The following SLC22A24 variants were observed in gnomAD, a reference collection of about 807,000 sequenced individuals.
SLC22A24 encodes solute carrier family 22 member 24.
SLC22A24 carries 53 observed loss-of-function variants against 49.8 expected under a neutral mutation model. The ratio of observed to expected loss-of-function variants is 1.06; its 90% CI spans 0.85 to 1.34. SLC22A24 has a LOEUF of 1.34. Among genes scored for constraint, SLC22A24 ranks in the 40% most tolerant of loss-of-function variants. The pLI, the probability that SLC22A24 is intolerant of heterozygous loss-of-function variation, is 0.00. For missense variants in SLC22A24, 786 were observed against 675.9 expected (o/e 1.16, Z -1.81); for synonymous variants, 302 against 256.4 (o/e 1.18, Z -1.70).
chr11:63,131,747 A>G (rs917401762), intron 2 of SLC22A24, among the ~76,000 whole-genome samples: 1 of 151,972 alleles, frequency 6.6e-6, no homozygotes, highest in Admixed American at 6.6e-5. Flanking sequence ...GAATCTGACA[A>G]TTACATGTCT....
intron 2 of SLC22A24, among the ~76,000 whole-genome samples, chr11:63,131,846 C>T (rs529774930): frequency 1.3e-3 from 192 of 152,290 alleles, no homozygotes; most frequent in African/African-American, 4.4e-3. Flanking sequence ...GTTAGGGAAG[C>T]TCTCCTGGAT....
At chr11:63,141,883 A>T (rs1009365367) in intron 1 of SLC22A24, among the ~76,000 whole-genome samples, 13 of 152,208 alleles carry the variant, frequency 8.5e-5, no homozygotes, top group African/African-American at 3.1e-4. Context: ...TTTAATAAAA[A>T]TAGGGACTGG....
rs2087053283 is a variant in SLC22A24 at position 63,096,113 on chromosome 11, CA to C, written c.955-8del. The C allele has an allele frequency of 6.6e-7, 1 of 1,526,118 alleles. No individual in the cohort carries two copies. The highest frequency in any genetic ancestry group is 1.2e-5 in the South Asian group (1 of 83,484). The allele number at this position is 1,526,118 out of a possible 1,614,324, so 94.5% of individuals were successfully genotyped here. ...TCATGGTGGATCTCACAAGCTTCAG[CA>C]ACAAAAATAACAACAAGCATTTGTG... On this transcript the variant is annotated splice_region_variant and splice_polypyrimidine_tract_variant and intron_variant, in intron 5 of 9. Coordinates refer to ENST00000612278, the MANE Select transcript of SLC22A24 (RefSeq NM_001136506.2).
chr11:63,093,826 T>C (rs1263461010), intron 6 of SLC22A24, among the ~76,000 whole-genome samples: 1 of 152,072 alleles, frequency 6.6e-6, no homozygotes, highest in African/African-American at 2.4e-5. Context: ...AACCTGCACA[T>C]GTGCCCTTGA....
rs1307221635 is a variant in SLC22A24, at chr11:63,104,195, C to T, written c.934G>A (p.Glu312Lys). 3 of 1,550,166 alleles carry T rather than the reference C, an allele frequency of 1.9e-6. No individual in the cohort carries two copies. The highest frequency in any genetic ancestry group is 2.4e-5 in the East Asian group (1 of 40,902). The change falls in exon 5 of 10, where the codon GAA becomes AAA. Residue 312 changes from glutamate (E) to lysine (K), a missense_variant. Coordinates refer to ENST00000612278, the MANE Select transcript of SLC22A24 (RefSeq NM_001136506.2). ...VAHINGKKNT[E>K]ETLTTELVRS... ...ATCACCTCAGTGGTCAGTGTCTCTT[C>T]AGTATTCTTTTTTCCATTTATGTGT... is the stretch of plus-strand genomic sequence containing the variant.
chr11:63,101,192 C>A (rs111327720), intron 5 of SLC22A24, among the ~76,000 whole-genome samples: 5,924 of 152,080 alleles, frequency 0.039, 167 homozygotes, highest in Non-Finnish European at 0.063. Flanking sequence ...GGAGCTCAAC[C>A]CTCATACACA....
chr11:63,124,295 G>C (rs1248507749), intron 2 of SLC22A24, among the ~76,000 whole-genome samples: 6 of 152,248 alleles, frequency 3.9e-5, no homozygotes, highest in African/African-American at 1.4e-4. Flanking sequence ...GTGTCATCTA[G>C]CTCCTGGGGG....
intron 6 of SLC22A24, among the ~76,000 whole-genome samples, chr11:63,088,358 CAA>C (rs1476119843): frequency 1.6e-5 from 1 of 63,958 alleles, no homozygotes; most frequent in Non-Finnish European, 3.7e-5. Flanking sequence ...GGAAAAGTAA[CAA>C]ACAGAAAGCT....
chr11:63,084,542 A>G (rs2135192035), intron 6 of SLC22A24, among the ~76,000 whole-genome samples: 1 of 152,248 alleles, frequency 6.6e-6, no homozygotes, highest in Admixed American at 6.5e-5. Flanking sequence ...CTTGCATCAC[A>G]AGAAATGGAG....
intron 2 of SLC22A24, among the ~76,000 whole-genome samples, chr11:63,121,370 T>C (rs1325563835): frequency 6.6e-6 from 1 of 152,016 alleles, no homozygotes; most frequent in East Asian, 1.9e-4. Flanking sequence ...GAAATAGATG[T>C]GTTGTTAGGA....
In SLC22A24 at chr11:63,119,350, A is replaced by G; in HGVS notation, c.507-15T>C. The G allele has an allele frequency of 1.3e-6, 2 of 1,511,458 alleles. No individual in the cohort carries two copies. The highest frequency in any genetic ancestry group is 1.8e-6 in the Non-Finnish European group (2 of 1,130,330). 93.6% of individuals were successfully genotyped at this position (1,511,458 alleles called of 1,614,324 possible). On this transcript the variant is annotated splice_polypyrimidine_tract_variant and intron_variant, in intron 2 of 9. Transcript: ENST00000612278. ...TCCGTCCAACCCTAAGAAATATTAA[A>G]CCAGATAACGTTACTTAGGAACAAA...
chr11:63,113,863 A>G (rs1412621440), intron 4 of SLC22A24, among the ~76,000 whole-genome samples: 9 of 151,698 alleles, frequency 5.9e-5, no homozygotes, highest in Non-Finnish European at 2.9e-5. Context: ...CAAAAAAAAA[A>G]AAAAAAAAGG....
At chr11:63,121,213 T>G (rs2087249322) in intron 2 of SLC22A24, among the ~76,000 whole-genome samples, 1 of 152,174 alleles carries the variant, frequency 6.6e-6, no homozygotes, top group Non-Finnish European at 1.5e-5. Context: ...ATGTTGGTAA[T>G]ATGGGAAACT....
At chr11:63,141,200 C>T (rs1275639849) in intron 1 of SLC22A24, among the ~76,000 whole-genome samples, 1 of 152,128 alleles carries the variant, frequency 6.6e-6, no homozygotes, top group African/African-American at 2.4e-5. Context: ...TTTTAAAAAA[C>T]AAACTTTAAC....
chr11:63,086,861 G>A (rs1020600134), intron 6 of SLC22A24, among the ~76,000 whole-genome samples: 24 of 152,032 alleles, frequency 1.6e-4, no homozygotes, highest in Non-Finnish European at 7.4e-5. Context: ...TAACATCATA[G>A]TGTATACCTT....
chr11:63,107,284 G>T (rs2087127885), intron 4 of SLC22A24, among the ~76,000 whole-genome samples: 1 of 152,190 alleles, frequency 6.6e-6, no homozygotes, highest in East Asian at 1.9e-4. Context: ...CTGTTCCATT[G>T]GTCTATATCT....
chr11:63,084,327 TAG>T (rs1565322136), intron 6 of SLC22A24, among the ~76,000 whole-genome samples: 1 of 151,968 alleles, frequency 6.6e-6, no homozygotes. Context: ...TAAAATAAGG[TAG>T]GGATGCCTGT....
chr11:63,112,792 T>C (rs2087175628), intron 4 of SLC22A24, among the ~76,000 whole-genome samples: 1 of 151,588 alleles, frequency 6.6e-6, no homozygotes, highest in Non-Finnish European at 1.5e-5. Context: ...GGCAGGTGGA[T>C]CACGAGGTCA....
At chr11:63,112,685 A>T (rs769859513) in intron 4 of SLC22A24, among the ~76,000 whole-genome samples, 1 of 151,884 alleles carries the variant, frequency 6.6e-6, no homozygotes. Context: ...TTGCTTCTCT[A>T]GTTCTTTCAG....
Sources: allele counts gnomAD v4.1 joint callset (sites outside exome capture counted in the v4.1 genomes callset), GRCh38; gene constraint gnomAD v4.1.1; transcripts MANE v1.5; gene names NCBI Gene and HGNC (gene_info 2026-07-23, HGNC 2026-07-21).